Variants in TNFSF4 observed in about 807,000 individuals in gnomAD.
TNFSF4 encodes the protein TNF superfamily member 4.
A neutral mutation model predicts 7.3 loss-of-function variants in TNFSF4; 4 were observed. That is an observed-to-expected ratio of 0.55 (90% CI 0.27 to 1.25). TNFSF4 has a LOEUF of 1.25. TNFSF4 is among the 50% of genes most tolerant of loss of function. TNFSF4 has a pLI of 0.12. For missense variants in TNFSF4, 181 were observed against 208.8 expected, an observed-to-expected ratio of 0.87 and a Z score of 0.82; for synonymous variants, 76 against 83.7, an observed-to-expected ratio of 0.91 and a Z score of 0.50.
At chr1:173,201,336 T>A (rs971096062) in intron 1 of TNFSF4, among the ~76,000 whole-genome samples, 15 of 152,312 alleles carry the variant, frequency 9.8e-5, no homozygotes, top group Non-Finnish European at 2.2e-4. Context: ...TTTTTAATCC[T>A]AAAAATTACA....
At chr1:173,336,522 A>C in the TNFSF4 span, among the ~76,000 whole-genome samples, 3 of 152,168 alleles carry the variant, frequency 2.0e-5, no homozygotes, top group Admixed American at 1.3e-4. Flanking sequence ...AAGTAGTTTC[A>C]AGCAGTTTGA....
the TNFSF4 span, among the ~76,000 whole-genome samples, chr1:173,394,409 CCAGAT>C: frequency 6.6e-6 from 1 of 152,092 alleles, no homozygotes; most frequent in South Asian, 2.1e-4. Context: ...CTTTATATTT[CCAGAT>C]ACTTTACTGT....
the TNFSF4 span, among the ~76,000 whole-genome samples, chr1:173,222,013 C>T: frequency 6.6e-6 from 1 of 152,138 alleles, no homozygotes; most frequent in Non-Finnish European, 1.5e-5. Context: ...GCATAGCATA[C>T]AATAAGTGTT....
the TNFSF4 span, among the ~76,000 whole-genome samples, chr1:173,331,235 T>A: frequency 2.6e-5 from 4 of 152,192 alleles, no homozygotes; most frequent in African/African-American, 9.6e-5. Context: ...AGTCTCAGAA[T>A]GTTGTGCCTT....
chr1:173,450,255 A>G, the TNFSF4 span, among the ~76,000 whole-genome samples: 3 of 152,190 alleles, frequency 2.0e-5, no homozygotes, highest in African/African-American at 7.2e-5. Context: ...TTTATTTCAT[A>G]TATATGTATG....
chr1:173,295,732 T>A, the TNFSF4 span, among the ~76,000 whole-genome samples: 1 of 152,106 alleles, frequency 6.6e-6, no homozygotes, highest in East Asian at 1.9e-4. Flanking sequence ...TATCCCTTCT[T>A]AAAATGAGCT....
the TNFSF4 span, among the ~76,000 whole-genome samples, chr1:173,336,590 C>A: frequency 6.6e-6 from 1 of 152,318 alleles, no homozygotes; most frequent in Admixed American, 6.5e-5. Flanking sequence ...ACAACTCTCT[C>A]TGGCCCAGTG....
Position 173,186,876 on chromosome 1 carries a change from TA to T in TNFSF4, c.203-12del. The T allele has an allele frequency of 6.5e-7, 1 of 1,540,510 alleles. No individual in the cohort carries two copies. Among genetic ancestry groups the T allele is most frequent in the South Asian group, 1.3e-5 (1 of 79,976 alleles). ...TCTCCTTCTTATATTCTAGGGAGGA[TA>T]GGGGAAAATTTGTTTAATTAATTCC... On this transcript the variant is annotated splice_polypyrimidine_tract_variant and intron_variant, in intron 2 of 2. Transcript: ENST00000281834.
the TNFSF4 span, among the ~76,000 whole-genome samples, chr1:173,274,984 C>T: frequency 1.3e-5 from 2 of 152,040 alleles, no homozygotes; most frequent in Non-Finnish European, 2.9e-5. Flanking sequence ...GACTATTTTG[C>T]TATAGCGTCA....
At chr1:173,406,434 G>C in the TNFSF4 span, among the ~76,000 whole-genome samples, 1 of 152,064 alleles carries the variant, frequency 6.6e-6, no homozygotes, top group African/African-American at 2.4e-5. Flanking sequence ...GAACTCTACA[G>C]GGAATTTGGC....
At chr1:173,259,791 G>A in the TNFSF4 span, among the ~76,000 whole-genome samples, 5 of 152,066 alleles carry the variant, frequency 3.3e-5, no homozygotes, top group Non-Finnish European at 7.4e-5. Flanking sequence ...GATAAGATTA[G>A]AGAAAAAAGA....
At chr1:173,325,422 T>C in the TNFSF4 span, among the ~76,000 whole-genome samples, 1 of 152,044 alleles carries the variant, frequency 6.6e-6, no homozygotes, top group Non-Finnish European at 1.5e-5. Flanking sequence ...AGGAAAGATC[T>C]AAAATTGACA....
the TNFSF4 span, among the ~76,000 whole-genome samples, chr1:173,441,266 C>A: frequency 1.3e-5 from 2 of 152,008 alleles, no homozygotes; most frequent in African/African-American, 4.8e-5. Context: ...CTTTTTCATC[C>A]TTTTTCCCCT....
the TNFSF4 span, among the ~76,000 whole-genome samples, chr1:173,270,765 C>T: frequency 1.4e-4 from 21 of 151,990 alleles, no homozygotes; most frequent in Non-Finnish European, 2.6e-4. Flanking sequence ...ACAACAGTAG[C>T]AGGGAGATTT....
At chr1:173,444,357 C>G in the TNFSF4 span, among the ~76,000 whole-genome samples, 5 of 152,140 alleles carry the variant, frequency 3.3e-5, no homozygotes, top group South Asian at 6.2e-4. Flanking sequence ...ATGATGAGTG[C>G]TTTTTTTTCT....
the TNFSF4 span, among the ~76,000 whole-genome samples, chr1:173,448,074 A>G: frequency 2.0e-5 from 3 of 152,206 alleles, no homozygotes; most frequent in Non-Finnish European, 2.9e-5. Context: ...AATCAAGAAA[A>G]CATAACAATC....
At chr1:173,378,879 C>G in the TNFSF4 span, among the ~76,000 whole-genome samples, 3 of 87,246 alleles carry the variant, frequency 3.4e-5, 1 homozygote, top group South Asian at 8.0e-4. Context: ...AACCCCCCTC[C>G]CCCCCCACCA....
At chr1:173,377,474 C>T in the TNFSF4 span, among the ~76,000 whole-genome samples, 1 of 152,216 alleles carries the variant, frequency 6.6e-6, no homozygotes, top group Non-Finnish European at 1.5e-5. Context: ...GATGACCCTG[C>T]GGCCATGAGT....
chr1:173,449,079 C>T, the TNFSF4 span, among the ~76,000 whole-genome samples: 1 of 152,032 alleles, frequency 6.6e-6, no homozygotes, highest in Non-Finnish European at 1.5e-5. Flanking sequence ...TAGCATCATC[C>T]TCTTGGTACT....
Sources: allele counts gnomAD v4.1 joint callset (sites outside exome capture counted in the v4.1 genomes callset), GRCh38; gene constraint gnomAD v4.1.1; transcripts MANE v1.5; gene names NCBI Gene and HGNC (gene_info 2026-07-23, HGNC 2026-07-21).